Variants in ZBTB40 observed in about 807,000 individuals in gnomAD.
ZBTB40 encodes the protein zinc finger and BTB domain-containing protein 40.
Under a neutral mutation model 117.5 loss-of-function variants are expected in ZBTB40, and 60 were observed. The ratio of observed to expected loss-of-function variants is 0.51; its 90% CI spans 0.41 to 0.63. The LOEUF (loss-of-function observed/expected upper bound fraction) is 0.63. ZBTB40 is among the 30% of genes least tolerant of loss of function. The pLI is 0.00. For missense variants in ZBTB40, 1,287 were observed against 1,498.5 expected, an observed-to-expected ratio of 0.86 and a Z score of 2.33; for synonymous variants, 525 against 577.1, an observed-to-expected ratio of 0.91 and a Z score of 1.29.
intron 1 of ZBTB40, among the ~76,000 whole-genome samples, chr1:22,455,641 C>T (rs529118896): frequency 6.6e-6 from 1 of 152,110 alleles, no homozygotes; most frequent in East Asian, 1.9e-4. Flanking sequence ...CTGTTGGGTT[C>T]CAGTAAAGAG....
rs1405251859 is a variant in ZBTB40, at chr1:22,511,799, A to G, written c.2126A>G (p.Asn709Ser). Residue 709 changes from asparagine to serine, a missense_variant, in exon 11 of 18, where the codon AAT (asparagine) becomes AGT (serine). This residue lies in a region of ZBTB40 where 870 missense variants were observed against 934.4 expected (regional missense o/e 0.93). Transcript: ENST00000375647. ...GAAGACAGCCAGCCTGGGGAACAGA[A>G]TGATCAAGGAGAGACTGGTTCCTTG... is the stretch of plus-strand genomic sequence containing the variant. ...AKEDSQPGEQ[N>S]DQGETGSLPG... 7.4e-6 allele frequency: 12 copies of G among 1,613,258 alleles called. No homozygotes were observed. The highest frequency in any genetic ancestry group is 9.3e-6 in the Non-Finnish European group (11 of 1,179,818).
At chr1:22,511,116 G>GTTTT in intron 9 of ZBTB40, 63 bp from the exon 10 acceptor site, 1 of 1,040,256 alleles carries the variant, frequency 9.6e-7, no homozygotes, top group Non-Finnish European at 1.4e-6. Flanking sequence ...TTTTTAGGTT[G>GTTTT]AAAACCATGG....
Position 22,503,625 on chromosome 1 carries a change from A to G in ZBTB40, c.1167+1184A>G, listed in dbSNP as rs547463823. On this transcript the variant is annotated intron_variant, in intron 5 of 17. Transcript: ENST00000375647. Reference sequence around the variant, plus strand: ...CATGTGCGCACGCACACACACACACACACACAATGGAAACAACCTTTAATC... The same window carrying G: ...CATGTGCGCACGCACACACACACACGCACACAATGGAAACAACCTTTAATC... 5.1e-4 allele frequency among the ~76,000 whole-genome samples: 78 copies of G among 152,282 alleles called. 1 individual carries two copies. In the South Asian group the frequency reaches 0.015, roughly 28 times the overall value.
At chr1:22,495,702 G>C (rs1638755110) in intron 3 of ZBTB40, among the ~76,000 whole-genome samples, 1 of 152,038 alleles carries the variant, frequency 6.6e-6, no homozygotes. Context: ...AGTAGAGACG[G>C]GGTTTCACCA....
chr1:22,430,086 C>G (rs1014389014), intron 1 of ZBTB40, among the ~76,000 whole-genome samples: 1 of 152,200 alleles, frequency 6.6e-6, no homozygotes. Context: ...CTACTATAAT[C>G]ACTAATAAGT....
chr1:22,524,280 C>G lies in ZBTB40; in HGVS notation c.3361C>G (p.His1121Asp). ...ATFRFPGALQ[H>D]HVTTEHFKQS... ...TTTCCGTTTTCCTGGAGCATTGCAG[C>G]ACCATGTCACCACGGAGCACTTCAA... Residue 1121 changes from histidine to aspartate, a missense_variant, in exon 17 of 18, where the codon CAC (histidine) becomes GAC (aspartate). His to Asp is a moderately conservative substitution (Grantham distance 81). Around this residue, in one of 2 missense-constraint regions of ZBTB40, gnomAD observed 417 missense variants for 564.1 expected, o/e 0.74. Coordinates refer to ENST00000375647, the MANE Select transcript of ZBTB40 (RefSeq NM_014870.4). 6.2e-7 allele frequency: 1 copy of G among 1,614,190 alleles called. No individual in the cohort carries two copies.
chr1:22,440,741 G>T (rs1640722748), intron 1 of ZBTB40, among the ~76,000 whole-genome samples: 1 of 151,934 alleles, frequency 6.6e-6, no homozygotes, highest in Non-Finnish European at 1.5e-5. Flanking sequence ...AGATAATCAT[G>T]TGGTTTTCTT....
At chr1:22,430,908 C>T (rs1203692099) in intron 1 of ZBTB40, among the ~76,000 whole-genome samples, 1 of 151,998 alleles carries the variant, frequency 6.6e-6, no homozygotes. Context: ...AATATGTTGC[C>T]AATTCTTAGT....
chr1:22,471,852 G>A (rs1641413901), intron 1 of ZBTB40, among the ~76,000 whole-genome samples: 2 of 152,180 alleles, frequency 1.3e-5, no homozygotes, highest in African/African-American at 2.4e-5. Flanking sequence ...CACACACCAC[G>A]TAGGCCCACA....
chr1:22,466,060 A>G (rs1206139010), intron 1 of ZBTB40, among the ~76,000 whole-genome samples: 1 of 152,180 alleles, frequency 6.6e-6, no homozygotes, highest in Non-Finnish European at 1.5e-5. Flanking sequence ...TCTGGTAACC[A>G]CTAATCCACT....
intron 1 of ZBTB40, among the ~76,000 whole-genome samples, chr1:22,466,027 C>A (rs1346596491): frequency 6.6e-6 from 1 of 152,192 alleles, no homozygotes; most frequent in South Asian, 2.1e-4. Flanking sequence ...GTAGTCACTC[C>A]CCATTTACTC....
chr1:22,509,693 C>G (rs115022432), intron 9 of ZBTB40, among the ~76,000 whole-genome samples: 2,242 of 152,286 alleles, frequency 0.015, 62 homozygotes, highest in African/African-American at 0.052. Flanking sequence ...CTTCCTAACA[C>G]GTTTGCTCTT....
chr1:22,467,888 G>A (rs1225672285), intron 1 of ZBTB40, among the ~76,000 whole-genome samples: 1 of 151,152 alleles, frequency 6.6e-6, no homozygotes, highest in Non-Finnish European at 1.5e-5. Context: ...GAACCCAGGA[G>A]TTCGCGAGCA....
At chr1:22,464,817 C>G (rs756054730) in intron 1 of ZBTB40, among the ~76,000 whole-genome samples, 2 of 152,010 alleles carry the variant, frequency 1.3e-5, no homozygotes, top group African/African-American at 4.8e-5. Context: ...TTTAGTATAT[C>G]GAGAGCATTT....
At chr1:22,498,270 T>G (rs942878723) in intron 3 of ZBTB40, among the ~76,000 whole-genome samples, 2 of 152,232 alleles carry the variant, frequency 1.3e-5, no homozygotes, top group Non-Finnish European at 2.9e-5. Flanking sequence ...AACTCTGTTT[T>G]GGTTCAGCTT....
At chr1:22,460,648 C>T (rs1446847006) in intron 1 of ZBTB40, among the ~76,000 whole-genome samples, 3 of 152,162 alleles carry the variant, frequency 2.0e-5, no homozygotes, top group Non-Finnish European at 4.4e-5. Context: ...TCATTTTACC[C>T]TTGAGAAAAC....
chr1:22,466,123 A>G (rs1641249557), intron 1 of ZBTB40, among the ~76,000 whole-genome samples: 1 of 152,224 alleles, frequency 6.6e-6, no homozygotes, highest in African/African-American at 2.4e-5. Flanking sequence ...ATGGAATCAT[A>G]TACAGCAATA....
intron 1 of ZBTB40, among the ~76,000 whole-genome samples, chr1:22,461,053 TGTC>T (rs1448000597): frequency 6.6e-6 from 1 of 152,230 alleles, no homozygotes; most frequent in African/African-American, 2.4e-5. Context: ...CCTAGTATGA[TGTC>T]GTGAACATAG....
intron 17 of ZBTB40, among the ~76,000 whole-genome samples, 180 bp from the exon 18 acceptor site, chr1:22,526,022 C>T (rs1338345432): frequency 1.3e-5 from 2 of 152,190 alleles, no homozygotes; most frequent in Non-Finnish European, 2.9e-5. Flanking sequence ...AAATTGTTTG[C>T]TGGCCTTCTC....
Sources: gnomAD v4.1 joint callset for allele counts (sites outside exome capture counted in the v4.1 genomes callset) on GRCh38, gnomAD v4.1.1 for gene constraint, gnomAD v4.1.1 regional missense constraint, MANE v1.5 for transcripts, NCBI Gene and HGNC (gene_info 2026-07-23, HGNC 2026-07-21) for gene names.